CEPT1: variants seen among roughly 807,000 people sequenced by gnomAD.
CEPT1 encodes the protein choline/ethanolamine phosphotransferase 1.
CEPT1 carries 7 observed loss-of-function variants against 42.6 expected under a neutral mutation model. That is an observed-to-expected ratio of 0.16 (90% confidence interval 0.09 to 0.31). CEPT1 has a LOEUF of 0.31. Ranked by LOEUF, CEPT1 falls within the 10% of genes least tolerant of loss-of-function variation. The pLI is 1.00. For missense variants in CEPT1, 306 were observed against 502.1 expected, an observed-to-expected ratio of 0.61 and a Z score of 3.73; for synonymous variants, 171 against 171.9, an observed-to-expected ratio of 0.99 and a Z score of 0.04.
chr1:111,171,703 C>T (rs1399211220), intron 4 of CEPT1, among the ~76,000 whole-genome samples: 3 of 152,114 alleles, frequency 2.0e-5, no homozygotes, highest in East Asian at 1.9e-4. Flanking sequence ...TGTCTTTTGA[C>T]GACCTATATT....
In CEPT1 at chr1:111,147,652, G is replaced by A. The variant is rs1421164045; in HGVS notation, c.-63G>A. ...TATTTTATTTTTTAGGTAAGCACCA[G>A]CCACAAAAACCTACAAAAGAAGGGA... On this transcript the variant is annotated 5_prime_UTR_variant, in exon 2 of 9. Coordinates refer to ENST00000357172, the MANE Select transcript of CEPT1 (RefSeq NM_006090.5). The A allele has an allele frequency of 3.3e-5, 40 of 1,213,064 alleles. No homozygotes were observed. The highest frequency in any genetic ancestry group is 3.7e-5 in the Non-Finnish European group (32 of 871,642). 75.1% of individuals were successfully genotyped at this position (1,213,064 alleles called of 1,614,324 possible). A position where few individuals can be genotyped will look rare whatever the true frequency, so the allele number is the denominator to read the frequency against.
At chr1:111,139,522 G>C (rs980035570), upstream of CEPT1, 8 of 152,272 alleles carry the variant, frequency 5.3e-5, no homozygotes, top group African/African-American at 1.7e-4. Flanking sequence ...GTACTCAACA[G>C]GAACGTGTAC....
At chr1:111,170,362 C>T (rs1656358649) in intron 4 of CEPT1, among the ~76,000 whole-genome samples, 1 of 152,036 alleles carries the variant, frequency 6.6e-6, no homozygotes, top group African/African-American at 2.4e-5. Context: ...TCTGAAGATC[C>T]ATATAGTCAT....
intron 4 of CEPT1, among the ~76,000 whole-genome samples, chr1:111,170,304 T>C (rs1417497742): frequency 5.3e-5 from 8 of 152,214 alleles, no homozygotes; most frequent in Non-Finnish European, 1.5e-5. Flanking sequence ...TTTCTCTTCT[T>C]ACTCAGAGTT....
At chr1:111,144,279 T>G (rs1294937929) in intron 1 of CEPT1, among the ~76,000 whole-genome samples, 8 of 152,208 alleles carry the variant, frequency 5.3e-5, no homozygotes, top group South Asian at 2.1e-4. Flanking sequence ...TGGTAGTGAC[T>G]GCAAACTCTG....
At chr1:111,156,438 T>TC (rs1655578597) in intron 2 of CEPT1, among the ~76,000 whole-genome samples, 1 of 152,226 alleles carries the variant, frequency 6.6e-6, no homozygotes. Context: ...TGTAGTGCAC[T>TC]CTAAGTTCAA....
rs1222315669 is a variant in CEPT1 at position 111,151,135 on chromosome 1, T to G, written c.339+3082T>G. On this transcript the variant is annotated intron_variant, in intron 2 of 8. Transcript: ENST00000357172. ...GCTTGTTTTTTTTTGTTTGTTTTTT[T>G]TTTTTTTTGAGACGGAGTCTCGCTC... 1.3e-4 allele frequency among the ~76,000 whole-genome samples: 20 copies of G among 151,138 alleles called. No homozygotes were observed. In the East Asian group the frequency reaches 3.9e-3, roughly 29 times the overall value.
At chr1:111,183,324 TG>T in intron 7 of CEPT1, 137 bp from the exon 8 acceptor site, 3 of 927,900 alleles carry the variant, frequency 3.2e-6, no homozygotes, top group Non-Finnish European at 4.9e-6. Flanking sequence ...TTCATATTGT[TG>T]GGTTTTTAGT....
chr1:111,169,815 A>AT (rs1027425080), intron 4 of CEPT1, among the ~76,000 whole-genome samples: 1 of 152,192 alleles, frequency 6.6e-6, no homozygotes, highest in Non-Finnish European at 1.5e-5. Context: ...GTATTCTAGC[A>AT]TTTTTGGTGA....
chr1:111,179,728 G>C (rs1406230550), intron 5 of CEPT1: 1 of 152,088 alleles, frequency 6.6e-6, no homozygotes, highest in Non-Finnish European at 1.5e-5. Context: ...TAATGTGGGG[G>C]CTAGATGTTT....
At chr1:111,139,850 C>T (rs1654193593), upstream of CEPT1, 1 of 152,236 alleles carries the variant, frequency 6.6e-6, no homozygotes, top group Non-Finnish European at 1.5e-5. Flanking sequence ...CCCTCTGGCG[C>T]CTGGCATAAG....
intron 4 of CEPT1, among the ~76,000 whole-genome samples, chr1:111,168,493 C>CT (rs1194436907): frequency 3.5e-3 from 496 of 142,154 alleles, no homozygotes; most frequent in African/African-American, 4.6e-3. Context: ...TTCTTTGGTT[C>CT]TTTTTTTTTT....
At chr1:111,140,608 GGTAGGGGTGGGAAGAACC>G in intron 1 of CEPT1, 1 of 152,824 alleles carries the variant, frequency 6.5e-6, no homozygotes, top group South Asian at 2.1e-4. Flanking sequence ...GGGAGCCCAA[GGTAGGGGTGGGAAGAACC>G]GTGGAGGGCC....
chr1:111,158,189 A>T (rs1339467542), intron 2 of CEPT1, among the ~76,000 whole-genome samples: 1 of 150,760 alleles, frequency 6.6e-6, no homozygotes, highest in Admixed American at 6.6e-5. Context: ...TAAAAAAAAT[A>T]AAATAAAATA....
At chr1:111,182,477 T>G (rs1309283178) in intron 6 of CEPT1, 159 bp downstream of exon 6, 1 of 728,268 alleles carries the variant, frequency 1.4e-6, no homozygotes, top group Non-Finnish European at 2.2e-6. Context: ...TTATATATAC[T>G]TACCCACATT....
chr1:111,152,272 G>T (rs567712804), intron 2 of CEPT1, among the ~76,000 whole-genome samples: 1 of 151,746 alleles, frequency 6.6e-6, no homozygotes, highest in Non-Finnish European at 1.5e-5. Flanking sequence ...AAATTAAAAC[G>T]GCACATTGAC....
chr1:111,156,553 C>T (rs571646090), intron 2 of CEPT1, among the ~76,000 whole-genome samples: 11 of 152,190 alleles, frequency 7.2e-5, no homozygotes, highest in South Asian at 2.1e-4. Flanking sequence ...AAAACACTAA[C>T]GATAGCTGAT....
intron 3 of CEPT1, 96 bp downstream of exon 3, chr1:111,159,623 A>C (rs1322456997): frequency 1.1e-6 from 1 of 902,670 alleles, no homozygotes; most frequent in Non-Finnish European, 1.6e-6. Flanking sequence ...GAGAATAAGT[A>C]ATTTTGTATT....
At position 111,147,788 on chromosome 1, in the gene CEPT1, T is replaced by C; in HGVS notation, c.74T>C (p.Met25Thr). Residue 25 changes from methionine (M) to threonine (T), a missense_variant, in exon 2 of 9, where the codon ATG becomes ACG. Physicochemically the swap from Met to Thr is moderately conservative, Grantham distance 81. Coordinates refer to ENST00000357172, the MANE Select transcript of CEPT1 (RefSeq NM_006090.5). Reference sequence around the variant, plus strand: ...GAGTCCCCAGTGGGCTTCGGGCATATGAGTACTACAGGATGTGTATTAAAT... The same window carrying C: ...GAGTCCCCAGTGGGCTTCGGGCATACGAGTACTACAGGATGTGTATTAAAT... ...HPESPVGFGH[M>T]STTGCVLNKL... 1 of 1,614,094 alleles carries C rather than the reference T, an allele frequency of 6.2e-7. No homozygotes were observed. Among genetic ancestry groups the C allele is most frequent in the Non-Finnish European group, 8.5e-7 (1 of 1,180,006 alleles).
Sources: gnomAD v4.1 joint callset for allele counts (sites outside exome capture counted in the v4.1 genomes callset) on GRCh38, gnomAD v4.1.1 for gene constraint, MANE v1.5 for transcripts, NCBI Gene and HGNC (gene_info 2026-07-23, HGNC 2026-07-21) for gene names.